OR4Q3: variants seen among roughly 807,000 people sequenced by gnomAD.
OR4Q3 encodes the protein olfactory receptor family 4 subfamily Q member 3.
A neutral mutation model predicts 18.8 loss-of-function variants in OR4Q3; 17 were observed. The observed-to-expected ratio is 0.91, with a 90% CI of 0.62 to 1.36. The LOEUF (loss-of-function observed/expected upper bound fraction) is 1.36. Among genes scored for constraint, OR4Q3 ranks in the 40% most tolerant of loss-of-function variants. OR4Q3 has a pLI of 0.00. For missense variants in OR4Q3, 378 were observed against 373.4 expected (o/e 1.01, Z -0.10); for synonymous variants, 158 against 145.8 (o/e 1.08, Z -0.60).
chr14:19,748,253 T>G, exon 2 of OR4Q3: 2 of 1,613,880 alleles, frequency 1.2e-6, no homozygotes, highest in Non-Finnish European at 1.7e-6. Context: ...CTCCTTGTTT[T>G]ACACAGTGAT....
chr14:19,747,318 T>G lies in OR4Q3; in HGVS notation c.3-88T>G. 7.1e-6 allele frequency: 4 copies of G among 564,562 alleles called. No individual in the cohort carries two copies. The East Asian group carries it at 1.4e-4, about 19-fold the overall frequency. 35.0% of individuals were successfully genotyped at this position (564,562 alleles called of 1,614,324 possible). A position where few individuals can be genotyped will look rare whatever the true frequency, so the allele number is the denominator to read the frequency against. ...AAAACTTGCTAAAATAATTTTTATGTAATTTATATATTATATACTATATGT... is the reference window on the plus strand; with the variant it reads ...AAAACTTGCTAAAATAATTTTTATGGAATTTATATATTATATACTATATGT... On this transcript the variant is annotated intron_variant, in intron 1 of 1. Transcript: ENST00000642117.
chr14:19,751,737 T>C, downstream of OR4Q3, among the ~76,000 whole-genome samples: 1 of 151,694 alleles, frequency 6.6e-6, no homozygotes, highest in Non-Finnish European at 1.5e-5. Flanking sequence ...AGTTGTAATG[T>C]CATTTTTGTC....
chr14:19,746,885 A>G, intron 1 of OR4Q3, among the ~76,000 whole-genome samples: 1 of 152,074 alleles, frequency 6.6e-6, no homozygotes, highest in Non-Finnish European at 1.5e-5. Flanking sequence ...TGAGTAAGAT[A>G]TTTCCTCATC....
intron 1 of OR4Q3, among the ~76,000 whole-genome samples, chr14:19,746,745 A>G: frequency 1.3e-5 from 2 of 152,212 alleles, no homozygotes; most frequent in African/African-American, 4.8e-5. Flanking sequence ...GTTTCCTAAT[A>G]TATTTATTCA....
chr14:19,744,482 C>A (rs751136600), intron 1 of OR4Q3, among the ~76,000 whole-genome samples: 4 of 152,172 alleles, frequency 2.6e-5, no homozygotes, highest in Non-Finnish European at 5.9e-5. Context: ...CTCCGGTTCC[C>A]TGTTTAGAAA....
chr14:19,743,979 T>C (rs1877372289), intron 1 of OR4Q3, among the ~76,000 whole-genome samples: 1 of 152,186 alleles, frequency 6.6e-6, no homozygotes, highest in East Asian at 1.9e-4. Flanking sequence ...ATGGCAATAT[T>C]TTCTTAAGAC....
downstream of OR4Q3, among the ~76,000 whole-genome samples, chr14:19,750,273 C>T: frequency 2.2e-4 from 33 of 152,278 alleles, no homozygotes; most frequent in Middle Eastern, 3.4e-3. Context: ...GCATGAGCCA[C>T]GACACCCGGC....
chr14:19,747,315 A>G, intron 1 of OR4Q3, 91 bp from the exon 2 acceptor site: 1 of 557,978 alleles, frequency 1.8e-6, no homozygotes, highest in Non-Finnish European at 2.7e-6. Flanking sequence ...AATAATTTTT[A>G]TGTAATTTAT....
chr14:19,748,479 A>T, exon 2 of OR4Q3: 1 of 822,306 alleles, frequency 1.2e-6, no homozygotes, highest in Middle Eastern at 3.2e-4. Context: ...AAAAGAGGAG[A>T]TAGCATAAAG....
chr14:19,750,554 G>GA, downstream of OR4Q3, among the ~76,000 whole-genome samples: 2 of 152,124 alleles, frequency 1.3e-5, no homozygotes, highest in African/African-American at 4.8e-5. Flanking sequence ...ATATACCTGT[G>GA]AAAAAAATGT....
chr14:19,750,618 G>A, downstream of OR4Q3, among the ~76,000 whole-genome samples: 10 of 152,224 alleles, frequency 6.6e-5, no homozygotes, highest in Admixed American at 1.3e-4. Flanking sequence ...AACCCTGGTC[G>A]TGTAAGAGCT....
chr14:19,748,603 G>A lies in OR4Q3; in HGVS notation c.*234G>A. The A allele has an allele frequency of 8.3e-6, 4 of 482,448 alleles. No homozygotes were observed. In the East Asian group the frequency reaches 1.3e-4, roughly 15 times the overall value. The allele number at this position is 482,448 out of a possible 1,614,324, so 29.9% of individuals were successfully genotyped here. A position where few individuals can be genotyped will look rare whatever the true frequency, so the allele number is the denominator to read the frequency against. On this transcript the variant is annotated 3_prime_UTR_variant, in exon 2 of 2. Coordinates refer to ENST00000642117, the Ensembl canonical transcript of OR4Q3. ...CTCAGGAACTCAGTAGAATTTACTGGCCACAAACGATAACAAGCATTAATT... is the reference window on the plus strand; with the variant it reads ...CTCAGGAACTCAGTAGAATTTACTGACCACAAACGATAACAAGCATTAATT...
At chr14:19,751,586 A>G, downstream of OR4Q3, among the ~76,000 whole-genome samples, 4 of 151,864 alleles carry the variant, frequency 2.6e-5, no homozygotes, top group African/African-American at 9.7e-5. Context: ...TTGACTTATT[A>G]AGGATTACAA....
chr14:19,747,806 A>G, exon 2 of OR4Q3: 3 of 1,613,910 alleles, frequency 1.9e-6, no homozygotes, highest in Non-Finnish European at 2.5e-6. Flanking sequence ...GTATGTTGCC[A>G]TCTGTAACCC....
At position 19,747,896 on chromosome 14, in the gene OR4Q3, T is replaced by G; in HGVS notation, c.493T>G (p.Ser165Ala). ...CTGCTGGTGTGGGGGTTTTATCCAC[T>G]CTATCATGCAGGTCATACTAGTCAT... The change falls in exon 2 of 2, where the codon TCT (serine) becomes GCT (alanine). Residue 165 changes from serine to alanine, a missense_variant. Coordinates refer to ENST00000642117, the Ensembl canonical transcript of OR4Q3. 2.0e-5 allele frequency: 33 copies of G among 1,614,026 alleles called. 1 individual carries two copies. The East Asian group carries it at 7.1e-4, about 35-fold the overall frequency.
chr14:19,744,240 G>A (rs1877378907), intron 1 of OR4Q3, among the ~76,000 whole-genome samples: 1 of 152,160 alleles, frequency 6.6e-6, no homozygotes, highest in Admixed American at 6.6e-5. Context: ...TGCATCAAAT[G>A]TGTCTAAAAG....
chr14:19,747,643 A>G, exon 2 of OR4Q3: 2 of 1,614,056 alleles, frequency 1.2e-6, no homozygotes, highest in South Asian at 2.2e-5. Context: ...TCATTGACCT[A>G]TGCCTGAGCT....
chr14:19,749,790 TTC>T, downstream of OR4Q3, among the ~76,000 whole-genome samples: 3 of 96,968 alleles, frequency 3.1e-5, no homozygotes, highest in African/African-American at 9.5e-5. Context: ...TTCTCTTTCT[TTC>T]TTTCTCTCTC....
At chr14:19,750,175 G>T, downstream of OR4Q3, among the ~76,000 whole-genome samples, 5 of 151,992 alleles carry the variant, frequency 3.3e-5, no homozygotes, top group Non-Finnish European at 5.9e-5. Context: ...AGTAAAGACG[G>T]GGTTTCTCCA....
Sources: allele counts gnomAD v4.1 joint callset (sites outside exome capture counted in the v4.1 genomes callset), GRCh38; gene constraint gnomAD v4.1.1; transcripts MANE v1.5; gene names NCBI Gene and HGNC (gene_info 2026-07-23, HGNC 2026-07-21).